The following TRPM1 variants were observed in gnomAD, a reference collection of about 807,000 sequenced individuals.
TRPM1 encodes transient receptor potential cation channel subfamily M member 1, also known as TRPM1-203 APA Isoform, Intron 10.
In TRPM1, 113 loss-of-function variants were observed where a neutral mutation model predicts 149.4. That is an observed-to-expected ratio of 0.76 (90% confidence interval 0.65 to 0.88). The LOEUF (loss-of-function observed/expected upper bound fraction) is 0.88, where lower values mean the gene tolerates loss of function less well. Among genes scored for constraint, TRPM1 ranks in the 40% least tolerant of loss-of-function variants. The pLI, the probability that TRPM1 is intolerant of heterozygous loss-of-function variation, is 0.00. For synonymous variants in TRPM1, 741 were observed against 759.5 expected, an observed-to-expected ratio of 0.98 and a Z score of 0.40; for missense variants, 1,976 against 2,038.7, an observed-to-expected ratio of 0.97 and a Z score of 0.59.
At chr15:31,094,816 G>A (rs942647355) in intron 1 of TRPM1, among the ~76,000 whole-genome samples, 3 of 152,204 alleles carry the variant, frequency 2.0e-5, no homozygotes, top group African/African-American at 7.2e-5. Context: ...AAAATGATTT[G>A]GCAGTTCCTC....
intron 1 of TRPM1, among the ~76,000 whole-genome samples, chr15:31,143,893 T>C (rs2036190792): frequency 6.6e-6 from 1 of 152,246 alleles, no homozygotes; most frequent in South Asian, 2.1e-4. Flanking sequence ...TATGGTAATA[T>C]GGTTATTTGC....
In TRPM1 at chr15:31,061,505, A is replaced by G; in HGVS notation, c.1099T>C (p.Phe367Leu). The change falls in exon 10 of 28, where the codon TTC (phenylalanine) becomes CTC (leucine). Residue 367 changes from phenylalanine (F) to leucine (L), a missense_variant. Transcript: ENST00000256552. ...TGCTGGCCCTCAGAACCCATTCTGA[A>G]CACAGTGACCTGAAAATGTGAAAAG... ...CMKKKELVTVFRMGSEGQQDI... is the reference protein window; with the variant it reads ...CMKKKELVTVLRMGSEGQQDI... The G allele has an allele frequency of 6.2e-7, 1 of 1,614,132 alleles. No individual in the cohort carries two copies. The highest frequency in any genetic ancestry group is 8.5e-7 in the Non-Finnish European group (1 of 1,179,972).
At chr15:31,042,378 T>G in intron 16 of TRPM1, 135 bp from the exon 17 acceptor site, 2 of 875,972 alleles carry the variant, frequency 2.3e-6, no homozygotes, top group Non-Finnish European at 3.5e-6. Flanking sequence ...ACATTTCCAC[T>G]CCGCATATGA....
chr15:31,097,842 G>A (rs2035425581), intron 1 of TRPM1, among the ~76,000 whole-genome samples: 1 of 152,300 alleles, frequency 6.6e-6, no homozygotes, highest in Non-Finnish European at 1.5e-5. Context: ...GAGACATGCT[G>A]TGAGTGTGAG....
At position 31,034,844 on chromosome 15, in the gene TRPM1, T is replaced by A. The variant is rs999294584; in HGVS notation, c.2700+702A>T. Among the ~76,000 whole-genome samples, 9 of 152,258 alleles carry A rather than the reference T, an allele frequency of 5.9e-5. 1 individual carries two copies. Among genetic ancestry groups the A allele is most frequent in the Admixed American group, 4.6e-4 (7 of 15,286 alleles). On this transcript the variant is annotated intron_variant, in intron 21 of 27. Transcript: ENST00000256552. ...GGCAGCATTTGCTGATGCTTTCCTA[T>A]GCATTCAAACCTGTTTTCATTATTA...
intron 1 of TRPM1, among the ~76,000 whole-genome samples, chr15:31,129,574 G>A (rs1473526921): frequency 1.3e-5 from 2 of 152,192 alleles, no homozygotes; most frequent in South Asian, 2.1e-4. Context: ...TACAAAGATG[G>A]CCATTTTAAG....
chr15:31,050,559 C>G lies in TRPM1; in HGVS notation c.1287G>C (p.Pro429=). The change falls in exon 12 of 28, where the codon CCG becomes CCC. Residue 429 remains proline, a synonymous_variant. Coordinates refer to ENST00000256552, the MANE Select transcript of TRPM1 (RefSeq NM_001252024.2). ...HWPPLGSLAP[P]TDSKATEKEK... ...CCTTCTCCGTGGCTTTGCTGTCCGT[C>G]GGGGGTGCCAGGCTTCCCAGGGGCT... 1 of 1,614,042 alleles carries G rather than the reference C, an allele frequency of 6.2e-7. No homozygotes were observed. The highest frequency in any genetic ancestry group is 8.5e-7 in the Non-Finnish European group (1 of 1,180,012).
chr15:31,034,476 C>T (rs2033252478), intron 21 of TRPM1, among the ~76,000 whole-genome samples: 1 of 152,186 alleles, frequency 6.6e-6, no homozygotes, highest in South Asian at 2.1e-4. Flanking sequence ...TGCTTGGAGC[C>T]ATGTCTCTGG....
rs756442686 is a variant in TRPM1, at chr15:31,002,761, C to T, written c.3939G>A (p.Thr1313=). The change falls in exon 28 of 28, where the codon ACG becomes ACA. Residue 1313 remains threonine, a synonymous_variant. Coordinates refer to ENST00000256552, the MANE Select transcript of TRPM1 (RefSeq NM_001252024.2). ...ELLFEDTSLS[T]SPGTGVRKKT... is the part of the protein sequence containing the mutation. ...TTTTCCTGACTCCTGTCCCTGGTGA[C>T]GTGGAGAGAGATGTATCCTCAAATA... The T allele has an allele frequency of 1.4e-5, 22 of 1,613,990 alleles. No individual in the cohort carries two copies. The highest frequency in any genetic ancestry group is 1.6e-4 in the Middle Eastern group (1 of 6,084).
At chr15:31,093,479 T>C (rs749775056) in intron 1 of TRPM1, among the ~76,000 whole-genome samples, 1 of 152,118 alleles carries the variant, frequency 6.6e-6, no homozygotes, top group Non-Finnish European at 1.5e-5. Context: ...GTGAAGGCCT[T>C]GTACACTGAA....
intron 1 of TRPM1, among the ~76,000 whole-genome samples, chr15:31,142,715 T>C (rs1322647310): frequency 1.3e-5 from 2 of 152,194 alleles, no homozygotes; most frequent in African/African-American, 4.8e-5. Context: ...TCAAAATTAA[T>C]TTTTGACCTC....
intron 1 of TRPM1, among the ~76,000 whole-genome samples, chr15:31,107,911 G>A (rs2035630392): frequency 6.6e-6 from 1 of 150,892 alleles, no homozygotes. Context: ...AGGCTGGAGT[G>A]CAGTGGCATG....
At chr15:31,119,128 C>A (rs2035841949) in intron 1 of TRPM1, among the ~76,000 whole-genome samples, 1 of 152,002 alleles carries the variant, frequency 6.6e-6, no homozygotes, top group South Asian at 2.1e-4. Flanking sequence ...GTAATCCCAG[C>A]TACTCGGGAG....
chr15:31,142,315 A>G (rs901860757), intron 1 of TRPM1, among the ~76,000 whole-genome samples: 8 of 152,236 alleles, frequency 5.3e-5, no homozygotes, highest in Non-Finnish European at 1.2e-4. Context: ...AATGTTTAAT[A>G]TCAAAAAAGT....
At chr15:31,101,578 C>A (rs928859385) in intron 1 of TRPM1, 79 bp downstream of exon 1, 5 of 887,476 alleles carry the variant, frequency 5.6e-6, no homozygotes, top group Non-Finnish European at 6.8e-6. Context: ...CTGAGTTTGT[C>A]CACGCTTGAG....
At position 31,041,947 on chromosome 15, in the gene TRPM1, T is replaced by C. The variant is rs1178711959; in HGVS notation, c.2087+4A>G. On this transcript the variant is annotated splice_donor_region_variant and intron_variant, in intron 17 of 27. Coordinates refer to ENST00000256552, the MANE Select transcript of TRPM1 (RefSeq NM_001252024.2). ...TGGCCTTTAAATCCCCGCTAGACAC[T>C]AACTTGGAATTGTTATCCAAGTCCT... 3 of 1,614,114 alleles carry C rather than the reference T, an allele frequency of 1.9e-6. No homozygotes were observed. Among genetic ancestry groups the C allele is most frequent in the South Asian group, 1.1e-5 (1 of 91,078 alleles).
At chr15:31,119,972 A>C (rs2141032749) in intron 1 of TRPM1, among the ~76,000 whole-genome samples, 1 of 152,286 alleles carries the variant, frequency 6.6e-6, no homozygotes, top group African/African-American at 2.4e-5. Flanking sequence ...GAAAATGGTT[A>C]CAAATATGAT....
intron 20 of TRPM1, among the ~76,000 whole-genome samples, chr15:31,037,091 A>G (rs2033422026): frequency 6.6e-6 from 1 of 152,234 alleles, no homozygotes; most frequent in African/African-American, 2.4e-5. Flanking sequence ...GACCGCCTGC[A>G]GCTCGGCCAT....
chr15:31,090,346 C>T (rs996962228), intron 1 of TRPM1, among the ~76,000 whole-genome samples: 12 of 152,146 alleles, frequency 7.9e-5, no homozygotes, highest in African/African-American at 2.7e-4. Flanking sequence ...CCATATGAAA[C>T]TGCATCCTGG....
Sources: allele counts gnomAD v4.1 joint callset (sites outside exome capture counted in the v4.1 genomes callset), GRCh38; gene constraint gnomAD v4.1.1; transcripts MANE v1.5; gene names NCBI Gene and HGNC (gene_info 2026-07-23, HGNC 2026-07-21).